LRP1B: variants seen among roughly 807,000 people sequenced by gnomAD.
The protein encoded by LRP1B is low-density lipoprotein receptor-related protein 1B.
LRP1B carries 217 observed loss-of-function variants against 556.6 expected under a neutral mutation model. The ratio of observed to expected loss-of-function variants is 0.39; its 90% CI spans 0.35 to 0.44. The LOEUF (loss-of-function observed/expected upper bound fraction) is 0.44, where lower values mean the gene tolerates loss of function less well. LRP1B is among the 20% of genes least tolerant of loss of function. LRP1B has a pLI of 1.00. For synonymous variants in LRP1B, 2,047 were observed against 1,865.8 expected (o/e 1.10, Z -2.50); for missense variants, 5,053 against 5,620.8 (o/e 0.90, Z 3.23).
chr2:140,596,397 T>C (rs545112675), intron 43 of LRP1B, among the ~76,000 whole-genome samples: 2 of 152,210 alleles, frequency 1.3e-5, no homozygotes, highest in East Asian at 1.9e-4. Context: ...GTTCATTTTC[T>C]TCCCTGTCGA....
intron 7 of LRP1B, among the ~76,000 whole-genome samples, chr2:141,174,960 A>G (rs1680671852): frequency 6.6e-6 from 1 of 152,152 alleles, no homozygotes; most frequent in Admixed American, 6.5e-5. Context: ...TAGAGTAAAG[A>G]TCACTCTTGC....
intron 4 of LRP1B, among the ~76,000 whole-genome samples, chr2:141,249,493 C>A (rs955986750): frequency 6.6e-6 from 1 of 152,078 alleles, no homozygotes; most frequent in Middle Eastern, 3.4e-3. Context: ...GCTACTCAGG[C>A]AGCTGAGGCA....
In LRP1B at chr2:140,651,240, A is replaced by G. The variant is rs181335433; in HGVS notation, c.6799+49010T>C. Reference sequence around the variant, plus strand: ...AATTGGAAATCATCATTCTCAGTAAACTATCGCAAGAACAAAAAACCAAAC... The same window carrying G: ...AATTGGAAATCATCATTCTCAGTAAGCTATCGCAAGAACAAAAAACCAAAC... On this transcript the variant is annotated intron_variant, in intron 41 of 90. Coordinates refer to ENST00000389484, the MANE Select transcript of LRP1B (RefSeq NM_018557.3). 8.6e-3 allele frequency among the ~76,000 whole-genome samples: 1,296 copies of G among 151,380 alleles called. 18 individuals carry two copies. Among genetic ancestry groups the G allele is most frequent in the African/African-American group, 0.029 (1,205 of 41,224 alleles).
intron 7 of LRP1B, among the ~76,000 whole-genome samples, chr2:141,095,231 T>C (rs1404933860): frequency 6.6e-6 from 1 of 151,206 alleles, no homozygotes; most frequent in African/African-American, 2.4e-5. Context: ...TTATCTGTTA[T>C]AGCAGCACAA....
chr2:140,781,197 T>C (rs1689686737), intron 32 of LRP1B, among the ~76,000 whole-genome samples: 1 of 152,146 alleles, frequency 6.6e-6, no homozygotes, highest in South Asian at 2.1e-4. Context: ...CTTGTGCTCA[T>C]CAAGGACCAT....
chr2:141,764,776 T>C (rs1287525606), intron 2 of LRP1B, among the ~76,000 whole-genome samples: 1 of 152,068 alleles, frequency 6.6e-6, no homozygotes, highest in Non-Finnish European at 1.5e-5. Context: ...AACGAAACCT[T>C]ATAATGAACT....
chr2:141,918,265 A>T (rs956334139), intron 1 of LRP1B, among the ~76,000 whole-genome samples: 2 of 152,156 alleles, frequency 1.3e-5, no homozygotes, highest in Admixed American at 1.3e-4. Flanking sequence ...GCATTGCTCG[A>T]TACGTTACAA....
chr2:141,459,271 A>G (rs1681763216), intron 3 of LRP1B, among the ~76,000 whole-genome samples: 1 of 152,178 alleles, frequency 6.6e-6, no homozygotes, highest in Admixed American at 6.5e-5. Context: ...GACCTTTACA[A>G]GGTCATTTAA....
At position 140,738,516 on chromosome 2, in the gene LRP1B, C is replaced by T. The variant is rs1012506391; in HGVS notation, c.5759-21700G>A. ...TCATTCACACTAAGGCCTCAGCTCC[C>T]ACATTGTCCCCCGCCAAAGACTGAA... is the stretch of plus-strand genomic sequence containing the variant. On this transcript the variant is annotated intron_variant, in intron 35 of 90. Coordinates refer to ENST00000389484, the MANE Select transcript of LRP1B (RefSeq NM_018557.3). Among the ~76,000 whole-genome samples the T allele has an allele frequency of 3.9e-5, 6 of 152,132 alleles. No individual in the cohort carries two copies. The East Asian group carries it at 1.2e-3, about 29-fold the overall frequency.
chr2:141,665,743 G>A (rs980595525), intron 2 of LRP1B, among the ~76,000 whole-genome samples: 2 of 152,118 alleles, frequency 1.3e-5, no homozygotes, highest in African/African-American at 4.8e-5. Flanking sequence ...ATACTATGCA[G>A]ACATAAAAAG....
chr2:141,004,121 G>C (rs1697502315), intron 15 of LRP1B, among the ~76,000 whole-genome samples: 1 of 151,988 alleles, frequency 6.6e-6, no homozygotes, highest in Non-Finnish European at 1.5e-5. Flanking sequence ...TCTCACAAGA[G>C]ACAATCATTA....
chr2:140,894,693 A>C (rs1337731423), intron 23 of LRP1B, among the ~76,000 whole-genome samples: 1 of 152,168 alleles, frequency 6.6e-6, no homozygotes, highest in East Asian at 1.9e-4. Flanking sequence ...TTACACCTGT[A>C]ATCCCAGCAC....
At chr2:142,050,375 T>G (rs192978725) in intron 1 of LRP1B, among the ~76,000 whole-genome samples, 1,646 of 152,188 alleles carry the variant, frequency 0.011, 20 homozygotes, top group African/African-American at 0.031. Context: ...TTCTAGCTTG[T>G]GTGTAAGCCA....
chr2:141,028,631 G>A (rs891001943), intron 11 of LRP1B, among the ~76,000 whole-genome samples: 1 of 152,064 alleles, frequency 6.6e-6, no homozygotes, highest in Non-Finnish European at 1.5e-5. Context: ...ATCAAAAAAT[G>A]ATAAATTGAT....
intron 3 of LRP1B, among the ~76,000 whole-genome samples, chr2:141,365,026 A>T (rs60803164): frequency 6.6e-6 from 1 of 152,164 alleles, no homozygotes; most frequent in Non-Finnish European, 1.5e-5. Context: ...ATTCACTGAG[A>T]GAAAACAGCT....
chr2:141,253,801 AAG>A (rs1684359058), intron 4 of LRP1B, among the ~76,000 whole-genome samples: 1 of 151,856 alleles, frequency 6.6e-6, no homozygotes, highest in African/African-American at 2.4e-5. Flanking sequence ...CGCGGAAGGA[AAG>A]AGAGAGGCAG....
chr2:141,840,942 A>AC (rs899702834), intron 1 of LRP1B, among the ~76,000 whole-genome samples: 73 of 151,868 alleles, frequency 4.8e-4, no homozygotes, highest in South Asian at 1.9e-3. Context: ...GAAAAAAAAA[A>AC]AAACCGTGGT....
chr2:141,893,274 C>T (rs1699345577), intron 1 of LRP1B, among the ~76,000 whole-genome samples: 1 of 152,174 alleles, frequency 6.6e-6, no homozygotes, highest in Non-Finnish European at 1.5e-5. Context: ...GATCTCGGCT[C>T]ACTGCAACCT....
chr2:141,544,327 TC>T lies in LRP1B; in HGVS notation c.206-63795del, dbSNP rs370453049. The stretch of plus-strand genomic sequence containing the variant: ...TTCTTCTTCTTCTTCTTCTTCTTCT[TC>T]TTCTTCTTCTTCTTCTTCTTCTTCT... On this transcript the variant is annotated intron_variant, in intron 2 of 90. Coordinates refer to ENST00000389484, the MANE Select transcript of LRP1B (RefSeq NM_018557.3). 7.3e-3 allele frequency among the ~76,000 whole-genome samples: 449 copies of T among 61,572 alleles called. 6 individuals are homozygous for T. The highest frequency in any genetic ancestry group is 0.021 in the East Asian group (35 of 1,678). 40.4% of individuals were successfully genotyped at this position (61,572 alleles called of 152,430 possible).
Sources: allele counts gnomAD v4.1 joint callset (sites outside exome capture counted in the v4.1 genomes callset), GRCh38; gene constraint gnomAD v4.1.1; transcripts MANE v1.5; gene names NCBI Gene and HGNC (gene_info 2026-07-23, HGNC 2026-07-21).